Variants in IL1RAPL1 observed in about 807,000 individuals in gnomAD.
The protein encoded by IL1RAPL1 is interleukin-1 receptor accessory protein-like 1.
IL1RAPL1 carries 3 observed loss-of-function variants against 48.4 expected under a neutral mutation model. The observed-to-expected ratio is 0.06, with a 90% CI of 0.03 to 0.16. The LOEUF is 0.16. Among genes scored for constraint, IL1RAPL1 ranks in the 10% least tolerant of loss-of-function variants. The probability of loss-of-function intolerance (pLI) is 1.00; values close to 1 mark genes in which losing one functional copy is unlikely to be tolerated. For synonymous variants in IL1RAPL1, 185 were observed against 187.7 expected (o/e 0.99, Z 0.12); for missense variants, 349 against 530.6 (o/e 0.66, Z 3.36).
Position 29,236,858 on chromosome X carries a change from C to T in IL1RAPL1, c.83-46080C>T, listed in dbSNP as rs767835037. On this transcript the variant is annotated intron_variant, in intron 2 of 10. Coordinates refer to ENST00000378993, the MANE Select transcript of IL1RAPL1 (RefSeq NM_014271.4). ...TGCTGGGATTACAGGCATGAGCCAC[C>T]GCACCTGGCCCCATTCCTTCTTCTT... Among the ~76,000 whole-genome samples, 17 of 109,447 alleles carry T rather than the reference C, an allele frequency of 1.6e-4. No individual in the cohort carries two copies. The East Asian group carries it at 2.3e-3, about 15-fold the overall frequency.
intron 2 of IL1RAPL1, among the ~76,000 whole-genome samples, chrX:28,883,801 C>A (rs1261035219): frequency 2.7e-5 from 3 of 112,286 alleles, no homozygotes; most frequent in Non-Finnish European, 3.8e-5. Context: ...TTATTTGTAA[C>A]TAATATGTGT....
At chrX:29,722,580 G>A (rs898803172) in intron 6 of IL1RAPL1, among the ~76,000 whole-genome samples, 27 of 111,673 alleles carry the variant, frequency 2.4e-4, no homozygotes, top group African/African-American at 7.5e-4. Flanking sequence ...AAATTCTTAC[G>A]TATGCTTGAT....
intron 5 of IL1RAPL1, among the ~76,000 whole-genome samples, chrX:29,480,330 A>G (rs888271064): frequency 7.1e-5 from 7 of 98,103 alleles, no homozygotes; most frequent in African/African-American, 2.7e-4. Context: ...ATACCTTTGA[A>G]TGGATCTATT....
intron 2 of IL1RAPL1, among the ~76,000 whole-genome samples, chrX:29,101,801 G>A (rs1021007693): frequency 2.7e-5 from 3 of 111,173 alleles, no homozygotes; most frequent in Non-Finnish European, 5.7e-5. Flanking sequence ...GCTGGGTATG[G>A]TGGCGGACAC....
At chrX:28,612,378 G>A (rs1166608629) in intron 1 of IL1RAPL1, among the ~76,000 whole-genome samples, 1 of 112,233 alleles carries the variant, frequency 8.9e-6, no homozygotes, top group Non-Finnish European at 1.9e-5. Flanking sequence ...GGCCCTAGAA[G>A]TGGTCCCAGG....
chrX:28,955,460 G>C lies in IL1RAPL1; in HGVS notation c.82+166035G>C, dbSNP rs1045319858. Among the ~76,000 whole-genome samples, 4 of 110,775 alleles carry C rather than the reference G, an allele frequency of 3.6e-5. No homozygotes were observed. In the East Asian group the frequency reaches 8.6e-4, roughly 24 times the overall value. On this transcript the variant is annotated intron_variant, in intron 2 of 10. Transcript: ENST00000378993. ...ATTAAAAATTACTAATCTTGTATAA[G>C]GTATAAGGAAGGGATCCAGTTTCAG... is the stretch of plus-strand genomic sequence containing the variant.
At chrX:28,668,418 C>T (rs1934906643) in intron 1 of IL1RAPL1, among the ~76,000 whole-genome samples, 1 of 111,842 alleles carries the variant, frequency 8.9e-6, no homozygotes, top group African/African-American at 3.2e-5. Flanking sequence ...ACCACCATAC[C>T]CGGCTAATTT....
chrX:28,903,857 GTATTA>G (rs1294403571), intron 2 of IL1RAPL1, among the ~76,000 whole-genome samples: 6 of 109,283 alleles, frequency 5.5e-5, no homozygotes, highest in Non-Finnish European at 7.6e-5. Context: ...CTAAATAATT[GTATTA>G]TATTTAAATT....
chrX:29,499,837 C>A (rs1935253477), intron 5 of IL1RAPL1, among the ~76,000 whole-genome samples: 2 of 111,549 alleles, frequency 1.8e-5, no homozygotes, highest in South Asian at 7.4e-4. Flanking sequence ...AATATCTGTA[C>A]ATATTTTGGG....
At chrX:29,041,768 TATG>T (rs1232203304) in intron 2 of IL1RAPL1, among the ~76,000 whole-genome samples, 3 of 112,350 alleles carry the variant, frequency 2.7e-5, no homozygotes, top group African/African-American at 6.5e-5. Flanking sequence ...ATGACAGTTT[TATG>T]ATAACAGTAT....
intron 5 of IL1RAPL1, among the ~76,000 whole-genome samples, chrX:29,409,420 A>G: frequency 8.9e-6 from 1 of 112,198 alleles, no homozygotes; most frequent in South Asian, 3.7e-4. Flanking sequence ...CAACTTGGCT[A>G]TCTAATGTTG....
chrX:29,843,903 T>G (rs773028255), intron 6 of IL1RAPL1, among the ~76,000 whole-genome samples: 1 of 110,896 alleles, frequency 9.0e-6, no homozygotes, highest in South Asian at 3.9e-4. Flanking sequence ...CCCACCCAGA[T>G]ATTCCAGGCT....
intron 8 of IL1RAPL1, among the ~76,000 whole-genome samples, chrX:29,923,751 G>A (rs1011746720): frequency 3.6e-5 from 4 of 111,571 alleles, no homozygotes; most frequent in African/African-American, 1.3e-4. Context: ...GCTCTGATCT[G>A]TCCTATTCTC....
At chrX:29,566,386 A>G (rs1421853432) in intron 5 of IL1RAPL1, among the ~76,000 whole-genome samples, 2 of 112,008 alleles carry the variant, frequency 1.8e-5, no homozygotes, top group South Asian at 3.6e-4. Flanking sequence ...ACTTGAGTCT[A>G]GGAGTTTGAA....
At chrX:28,634,022 C>A (rs1210526228) in intron 1 of IL1RAPL1, among the ~76,000 whole-genome samples, 1 of 108,869 alleles carries the variant, frequency 9.2e-6, no homozygotes, top group Non-Finnish European at 1.9e-5. Context: ...TTTTTTTTAA[C>A]TGAGACGCAA....
intron 6 of IL1RAPL1, among the ~76,000 whole-genome samples, chrX:29,888,925 G>T (rs1932220911): frequency 9.0e-6 from 1 of 111,361 alleles, no homozygotes; most frequent in African/African-American, 3.3e-5. Flanking sequence ...CCTCTTTTTG[G>T]CTCAAATCAG....
At chrX:29,762,057 G>A (rs1191561345) in intron 6 of IL1RAPL1, among the ~76,000 whole-genome samples, 2 of 111,515 alleles carry the variant, frequency 1.8e-5, no homozygotes, top group Non-Finnish European at 3.8e-5. Flanking sequence ...TCTGTTGATG[G>A]CAAATTCGTG....
intron 1 of IL1RAPL1, among the ~76,000 whole-genome samples, chrX:28,757,953 A>G (rs2052298193): frequency 8.9e-6 from 1 of 112,370 alleles, no homozygotes; most frequent in South Asian, 3.6e-4. Flanking sequence ...CAGTTGGACG[A>G]TAAGGTGAAA....
intron 5 of IL1RAPL1, among the ~76,000 whole-genome samples, chrX:29,606,358 A>G (rs2147065140): frequency 8.9e-6 from 1 of 111,751 alleles, no homozygotes; most frequent in African/African-American, 3.2e-5. Flanking sequence ...TAATAGGCAG[A>G]CAATAAAGGG....
Sources: gnomAD v4.1 joint callset for allele counts (sites outside exome capture counted in the v4.1 genomes callset) on GRCh38, gnomAD v4.1.1 for gene constraint, MANE v1.5 for transcripts, NCBI Gene and HGNC (gene_info 2026-07-23, HGNC 2026-07-21) for gene names.